Variants in ELP4 observed in about 807,000 individuals in gnomAD.
The protein encoded by ELP4 is elongator acetyltransferase complex subunit 4, also known as elongator complex protein 4.
In ELP4, 51 loss-of-function variants were observed where a neutral mutation model predicts 48.9. That is an observed-to-expected ratio of 1.04 (90% confidence interval 0.83 to 1.32). The LOEUF (loss-of-function observed/expected upper bound fraction) is 1.32, where lower values mean the gene tolerates loss of function less well. Among genes scored for constraint, ELP4 ranks in the 40% most tolerant of loss-of-function variants. ELP4 has a pLI of 0.00. For synonymous variants in ELP4, 210 were observed against 189.2 expected, an observed-to-expected ratio of 1.11 and a Z score of -0.90; for missense variants, 519 against 514.6, an observed-to-expected ratio of 1.01 and a Z score of -0.08.
chr11:31,610,331 G>A (rs536229603), intron 5 of ELP4, among the ~76,000 whole-genome samples: 18 of 25,576 alleles, frequency 7.0e-4, no homozygotes, highest in African/African-American at 1.0e-3. Flanking sequence ...TTTTTTGTTT[G>A]TTTTGTTTTG....
intron 3 of ELP4, among the ~76,000 whole-genome samples, chr11:31,593,362 C>T (rs1957620496): frequency 6.6e-6 from 1 of 152,024 alleles, no homozygotes; most frequent in African/African-American, 2.4e-5. Context: ...AAGCGATCCT[C>T]CCCTAAGTAG....
chr11:31,716,631 A>G (rs926766915), intron 9 of ELP4, among the ~76,000 whole-genome samples: 1 of 152,188 alleles, frequency 6.6e-6, no homozygotes, highest in Admixed American at 6.5e-5. Context: ...ATGTAGTTTC[A>G]GTTTCCCATT....
intron 9 of ELP4, among the ~76,000 whole-genome samples, chr11:31,771,759 C>T (rs1278525247): frequency 6.6e-6 from 1 of 152,188 alleles, no homozygotes; most frequent in Admixed American, 6.5e-5. Context: ...GCGGGCAGAT[C>T]ACAAGGTCAG....
chr11:31,519,972 C>T lies in ELP4; in HGVS notation c.224-84C>T, dbSNP rs985054077. The T allele has an allele frequency of 1.7e-5, 22 of 1,293,842 alleles. 1 individual carries two copies. In the Admixed American group the frequency reaches 4.3e-4, roughly 25 times the overall value. 80.1% of individuals were successfully genotyped at this position (1,293,842 alleles called of 1,614,324 possible). A position where few individuals can be genotyped will look rare whatever the true frequency, so the allele number is the denominator to read the frequency against. The stretch of plus-strand genomic sequence containing the variant: ...CTACTGTTTTAAAGTTATTGAAGTG[C>T]CTTTCCTTCATAAAGCCTAACTTTT... On this transcript the variant is annotated intron_variant, in intron 1 of 9. Coordinates refer to ENST00000640961, the MANE Select transcript of ELP4 (RefSeq NM_019040.5).
intron 4 of ELP4, among the ~76,000 whole-genome samples, chr11:31,595,307 A>G (rs1231650732): frequency 6.6e-6 from 1 of 152,178 alleles, no homozygotes; most frequent in African/African-American, 2.4e-5. Context: ...TCTATTCAGA[A>G]CAGACAGAAT....
At chr11:31,655,090 A>AT (rs369027055) in intron 9 of ELP4, among the ~76,000 whole-genome samples, 50 of 152,006 alleles carry the variant, frequency 3.3e-4, no homozygotes, top group African/African-American at 1.1e-3. Context: ...CCAAATTAAC[A>AT]TTTTTTAACA....
chr11:31,691,162 T>C (rs1946271989), intron 9 of ELP4, among the ~76,000 whole-genome samples: 1 of 152,110 alleles, frequency 6.6e-6, no homozygotes, highest in South Asian at 2.1e-4. Context: ...CATTATGTTT[T>C]CTGAGCCTGG....
At chr11:31,590,415 C>T (rs1429054148) in intron 3 of ELP4, among the ~76,000 whole-genome samples, 1 of 152,142 alleles carries the variant, frequency 6.6e-6, no homozygotes, top group Middle Eastern at 3.2e-3. Flanking sequence ...TATAAAAATT[C>T]ACTTTCAATG....
intron 5 of ELP4, among the ~76,000 whole-genome samples, chr11:31,613,638 G>A (rs974938663): frequency 7.3e-5 from 11 of 151,628 alleles, no homozygotes; most frequent in Non-Finnish European, 1.2e-4. Context: ...CCTCTGGGTG[G>A]TGGATTCCGG....
Position 31,790,094 on chromosome 11 carries a change from T to TAAA in ELP4, c.*6570_*6571insAAA. 8.6e-6 allele frequency: 1 copy of TAAA among 115,626 alleles called. No individual in the cohort carries two copies. 7.2% of individuals were successfully genotyped at this position (115,626 alleles called of 1,614,324 possible). A position where few individuals can be genotyped will look rare whatever the true frequency, so the allele number is the denominator to read the frequency against. On this transcript the variant is annotated 3_prime_UTR_variant, in exon 10 of 10. Coordinates refer to ENST00000640961, the MANE Select transcript of ELP4 (RefSeq NM_019040.5). The stretch of plus-strand genomic sequence containing the variant: ...AGACATGGAATACAAATTTATAGGT[T>TAAA]TACAAAAAAAAAAAAAAAAAAAAAA...
chr11:31,570,568 A>G (rs1006765697), intron 3 of ELP4, among the ~76,000 whole-genome samples: 2 of 150,546 alleles, frequency 1.3e-5, no homozygotes, highest in Non-Finnish European at 2.9e-5. Context: ...GCTGGGTTCA[A>G]GCGATTCTCC....
chr11:31,609,407 T>C (rs1957933735), intron 5 of ELP4, among the ~76,000 whole-genome samples: 1 of 152,106 alleles, frequency 6.6e-6, no homozygotes, highest in Non-Finnish European at 1.5e-5. Flanking sequence ...GACTGAGAGA[T>C]AAAATGGGTA....
intron 9 of ELP4, among the ~76,000 whole-genome samples, chr11:31,765,326 T>C (rs16922467): frequency 0.021 from 3,216 of 152,290 alleles, 109 homozygotes; most frequent in African/African-American, 0.073. Context: ...CTCTGCAATA[T>C]CATCGTGAAT....
At chr11:31,611,494 C>T (rs1230664879) in intron 5 of ELP4, among the ~76,000 whole-genome samples, 1 of 152,128 alleles carries the variant, frequency 6.6e-6, no homozygotes. Context: ...ATCTCTCTCT[C>T]TCATCTCACT....
At chr11:31,621,789 G>C (rs1296907059) in intron 5 of ELP4, among the ~76,000 whole-genome samples, 1 of 151,804 alleles carries the variant, frequency 6.6e-6, no homozygotes, top group Non-Finnish European at 1.5e-5. Flanking sequence ...ATGTTGAATG[G>C]AGCCATGTTC....
chr11:31,648,053 G>A, intron 8 of ELP4: 1 of 392,818 alleles, frequency 2.5e-6, no homozygotes, highest in South Asian at 3.9e-5. Context: ...ACTGAAAGGA[G>A]TCAAACCCAA....
intron 9 of ELP4, among the ~76,000 whole-genome samples, chr11:31,727,155 G>GTT (rs541135900): frequency 2.1e-5 from 3 of 145,300 alleles, no homozygotes; most frequent in Non-Finnish European, 3.0e-5. Context: ...TATTTTTACA[G>GTT]TTTTTTTTTT....
chr11:31,608,738 A>T (rs1957923653), intron 5 of ELP4, among the ~76,000 whole-genome samples: 2 of 151,986 alleles, frequency 1.3e-5, no homozygotes, highest in South Asian at 4.2e-4. Flanking sequence ...ATAAGGAAGG[A>T]GTGTGAAGAA....
rs1288618769 is a variant in ELP4, at chr11:31,585,595, C to T, written c.382-9175C>T. 2.6e-5 allele frequency among the ~76,000 whole-genome samples: 4 copies of T among 152,028 alleles called. No individual in the cohort carries two copies. The East Asian group carries it at 7.7e-4, about 29-fold the overall frequency. Reference sequence around the variant, plus strand: ...GTAACCCAAGAACACAAGGAAATTCCTCCGTAAGAGATTTATAGAGGAATT... The same window carrying T: ...GTAACCCAAGAACACAAGGAAATTCTTCCGTAAGAGATTTATAGAGGAATT... On this transcript the variant is annotated intron_variant, in intron 3 of 9. Coordinates refer to ENST00000640961, the MANE Select transcript of ELP4 (RefSeq NM_019040.5).
Sources: gnomAD v4.1 joint callset for allele counts (sites outside exome capture counted in the v4.1 genomes callset) on GRCh38, gnomAD v4.1.1 for gene constraint, MANE v1.5 for transcripts, NCBI Gene and HGNC (gene_info 2026-07-23, HGNC 2026-07-21) for gene names.